Variants in SIRPG observed in about 807,000 individuals in gnomAD.
SIRPG encodes the protein signal regulatory protein gamma.
SIRPG carries 38 observed loss-of-function variants against 35.7 expected under a neutral mutation model. That is an observed-to-expected ratio of 1.06 (90% CI 0.82 to 1.40). SIRPG has a LOEUF of 1.40. Among genes scored for constraint, SIRPG ranks in the 40% most tolerant of loss-of-function variants. The pLI is 0.00. For missense variants in SIRPG, 519 were observed against 483.0 expected (o/e 1.07, Z -0.70); for synonymous variants, 215 against 190.4 (o/e 1.13, Z -1.06).
the SIRPG span, among the ~76,000 whole-genome samples, chr20:1,685,130 G>A: frequency 1.3e-5 from 2 of 152,180 alleles, no homozygotes; most frequent in African/African-American, 4.8e-5. Flanking sequence ...CAGCCTGTCT[G>A]TGGGCTGTGA....
the SIRPG span, among the ~76,000 whole-genome samples, chr20:1,669,005 A>G: frequency 6.6e-6 from 1 of 152,196 alleles, no homozygotes; most frequent in African/African-American, 2.4e-5. Context: ...GGAGGAATCC[A>G]AGCCTTTGAA....
chr20:1,653,849 A>T (rs991661260), intron 1 of SIRPG, among the ~76,000 whole-genome samples: 2 of 152,202 alleles, frequency 1.3e-5, no homozygotes, highest in African/African-American at 4.8e-5. Flanking sequence ...GTGTTTCAGC[A>T]TGGTCACATG....
the SIRPG span, among the ~76,000 whole-genome samples, chr20:1,682,363 A>G: frequency 6.6e-6 from 1 of 152,232 alleles, no homozygotes; most frequent in African/African-American, 2.4e-5. Flanking sequence ...GTCGATATTC[A>G]GCAATCTCTC....
chr20:1,636,371 G>A lies in SIRPG; in HGVS notation c.565C>T (p.Leu189Phe). 1 of 1,614,260 alleles carries A rather than the reference G, an allele frequency of 6.2e-7. No homozygotes were observed. ...TCCACGTTGGTCTGGAAGTCTGAGAGCTCATTCCCATTTTTGAACCATTTC... is the reference window on the plus strand; with the variant it reads ...TCCACGTTGGTCTGGAAGTCTGAGAACTCATTCCCATTTTTGAACCATTTC... ...TLKWFKNGNELSDFQTNVDPT... is the reference protein window; with the variant it reads ...TLKWFKNGNEFSDFQTNVDPT... Residue 189 changes from leucine (L) to phenylalanine (F), a missense_variant, in exon 3 of 6, where the codon CTC becomes TTC. Physicochemically the swap from Leu to Phe is conservative, Grantham distance 22 (BLOSUM62 0). Transcript: ENST00000303415.
chr20:1,641,257 T>C (rs1159830343), intron 2 of SIRPG, among the ~76,000 whole-genome samples: 2 of 152,214 alleles, frequency 1.3e-5, no homozygotes, highest in East Asian at 3.8e-4. Flanking sequence ...TTTTGGTTGG[T>C]AGGCTATTAA....
At chr20:1,667,857 C>A in the SIRPG span, among the ~76,000 whole-genome samples, 1 of 152,288 alleles carries the variant, frequency 6.6e-6, no homozygotes, top group South Asian at 2.1e-4. Context: ...GAAGTCCCTA[C>A]TATAGATAGC....
the SIRPG span, among the ~76,000 whole-genome samples, chr20:1,679,103 G>C: frequency 6.6e-6 from 1 of 152,130 alleles, no homozygotes; most frequent in Non-Finnish European, 1.5e-5. Context: ...TCTGTAGAAG[G>C]GGTGGCATCA....
chr20:1,673,906 C>A, the SIRPG span, among the ~76,000 whole-genome samples: 1 of 152,148 alleles, frequency 6.6e-6, no homozygotes, highest in South Asian at 2.1e-4. Context: ...TAAAGTTGTT[C>A]CCAACACTGA....
upstream of SIRPG, among the ~76,000 whole-genome samples, chr20:1,657,990 C>A (rs887797653): frequency 2.0e-5 from 3 of 152,164 alleles, no homozygotes; most frequent in African/African-American, 4.8e-5. Context: ...GCTCCCTCCT[C>A]GTGTCCCCAA....
chr20:1,632,340 A>G (rs1291215525), intron 4 of SIRPG, among the ~76,000 whole-genome samples: 3 of 152,134 alleles, frequency 2.0e-5, no homozygotes, highest in African/African-American at 4.8e-5. Context: ...AAAACAGAAC[A>G]CTCACCTAAC....
upstream of SIRPG, among the ~76,000 whole-genome samples, chr20:1,660,633 C>T (rs1163095313): frequency 1.3e-5 from 2 of 152,086 alleles, no homozygotes; most frequent in Non-Finnish European, 2.9e-5. Flanking sequence ...GTGGAAATCA[C>T]GTGGAGAATT....
At chr20:1,632,812 A>G (rs567323030) in intron 4 of SIRPG, among the ~76,000 whole-genome samples, 2 of 152,210 alleles carry the variant, frequency 1.3e-5, no homozygotes, top group South Asian at 2.1e-4. Context: ...AAAAGCCTCA[A>G]GTCAATTAAA....
At chr20:1,686,067 T>C in the SIRPG span, among the ~76,000 whole-genome samples, 101 of 152,300 alleles carry the variant, frequency 6.6e-4, 1 homozygote, top group Middle Eastern at 3.4e-3. Flanking sequence ...TAATGATTCT[T>C]CTGTGTTTGT....
At chr20:1,646,540 C>T (rs2091898768) in intron 2 of SIRPG, 1 of 152,268 alleles carries the variant, frequency 6.6e-6, no homozygotes, top group African/African-American at 2.4e-5. Context: ...TGTGCTGAGA[C>T]CTGTCTTTTA....
intron 4 of SIRPG, among the ~76,000 whole-genome samples, chr20:1,633,191 C>T (rs999698472): frequency 3.3e-5 from 5 of 152,096 alleles, no homozygotes; most frequent in Non-Finnish European, 7.3e-5. Context: ...TACCGGAACT[C>T]ACCCAATATG....
the SIRPG span, among the ~76,000 whole-genome samples, chr20:1,681,301 G>A: frequency 0.013 from 2,046 of 152,206 alleles, 41 homozygotes; most frequent in African/African-American, 0.045. Flanking sequence ...GAAGTATTTG[G>A]GAAGAGTAAT....
At chr20:1,634,953 G>C (rs977097974) in intron 4 of SIRPG, among the ~76,000 whole-genome samples, 4 of 151,668 alleles carry the variant, frequency 2.6e-5, no homozygotes, top group African/African-American at 4.8e-5. Context: ...TGAGACAGGA[G>C]AATGGCGTGA....
At chr20:1,651,379 T>C (rs1249848845) in intron 1 of SIRPG, 5 of 152,426 alleles carry the variant, frequency 3.3e-5, no homozygotes, top group Non-Finnish European at 7.3e-5. Context: ...ATCATGCTTT[T>C]TCTTGGTGTC....
the SIRPG span, among the ~76,000 whole-genome samples, chr20:1,683,592 A>G: frequency 6.6e-6 from 1 of 152,226 alleles, no homozygotes; most frequent in Non-Finnish European, 1.5e-5. Context: ...GTCATTTCCA[A>G]CCTGGAGGAT....
Sources: gnomAD v4.1 joint callset for allele counts (sites outside exome capture counted in the v4.1 genomes callset) on GRCh38, gnomAD v4.1.1 for gene constraint, MANE v1.5 for transcripts, NCBI Gene and HGNC (gene_info 2026-07-23, HGNC 2026-07-21) for gene names.